The following LYPD6B variants were observed in gnomAD, a reference collection of about 807,000 sequenced individuals.
LYPD6B encodes the protein ly6/PLAUR domain-containing protein 6B.
In LYPD6B, 17 loss-of-function variants were observed where a neutral mutation model predicts 22.8. The ratio of observed to expected loss-of-function variants is 0.75; its 90% CI spans 0.51 to 1.12. The LOEUF (loss-of-function observed/expected upper bound fraction) is 1.12, where lower values mean the gene tolerates loss of function less well. Ranked by LOEUF, LYPD6B falls within the 50% of genes most tolerant of loss-of-function variation. LYPD6B has a pLI of 0.00. For synonymous variants in LYPD6B, 106 were observed against 91.6 expected (o/e 1.16, Z -0.90); for missense variants, 221 against 258.3 (o/e 0.86, Z 0.99).
At chr2:149,187,183 A>AT (rs1692168708) in intron 3 of LYPD6B, among the ~76,000 whole-genome samples, 1 of 152,194 alleles carries the variant, frequency 6.6e-6, no homozygotes, top group South Asian at 2.1e-4. Context: ...CAAACCCACA[A>AT]TATCTCTGAG....
intron 3 of LYPD6B, among the ~76,000 whole-genome samples, chr2:149,184,792 G>T (rs1433844883): frequency 6.6e-6 from 1 of 152,180 alleles, no homozygotes. Flanking sequence ...GATATGCATT[G>T]CTGTCAGGTG....
At chr2:149,163,276 G>T (rs1439213700) in intron 3 of LYPD6B, among the ~76,000 whole-genome samples, 1 of 152,116 alleles carries the variant, frequency 6.6e-6, no homozygotes, top group East Asian at 1.9e-4. Flanking sequence ...GATGCTTTAA[G>T]CAGGGAATTT....
rs539661897 is a variant in LYPD6B, at chr2:149,094,899, AATT to A, written c.-66-35980_-66-35978del. Among the ~76,000 whole-genome samples, 36 of 152,138 alleles carry A rather than the reference AATT, an allele frequency of 2.4e-4. No homozygotes were observed. The East Asian group carries it at 6.4e-3, about 27-fold the overall frequency. ...AACAGTTGCTATCAAAACAATAAGA[AATT>A]ATTGTTGTATCATTATTCTGGCTTG... On this transcript the variant is annotated intron_variant, in intron 1 of 6. Coordinates refer to ENST00000409642, the MANE Select transcript of LYPD6B (RefSeq NM_177964.5).
chr2:149,188,560 G>A (rs1238100268), intron 3 of LYPD6B: 2 of 204,494 alleles, frequency 9.8e-6, no homozygotes, highest in Middle Eastern at 5.1e-3. Flanking sequence ...AGAAAGGAAT[G>A]CAGTTCTGGG....
intron 2 of LYPD6B, among the ~76,000 whole-genome samples, chr2:149,138,283 A>G (rs1688485528): frequency 6.6e-6 from 1 of 152,216 alleles, no homozygotes; most frequent in African/African-American, 2.4e-5. Context: ...GAATCTGACC[A>G]CTTGCTGAGA....
At chr2:149,056,268 A>G (rs1408650033) in intron 1 of LYPD6B, among the ~76,000 whole-genome samples, 1 of 152,174 alleles carries the variant, frequency 6.6e-6, no homozygotes, top group East Asian at 1.9e-4. Context: ...TGTATGCTTC[A>G]GGTACTGTGC....
chr2:149,140,913 C>T (rs1688653500), intron 2 of LYPD6B, among the ~76,000 whole-genome samples: 1 of 152,200 alleles, frequency 6.6e-6, no homozygotes, highest in South Asian at 2.1e-4. Flanking sequence ...AGGGATTTGG[C>T]CAAAACATAA....
intron 5 of LYPD6B, among the ~76,000 whole-genome samples, chr2:149,212,094 G>A (rs1047660259): frequency 6.6e-6 from 1 of 151,956 alleles, no homozygotes; most frequent in African/African-American, 2.4e-5. Context: ...TTAGGTTGGT[G>A]CAGCCGGGCG....
intron 1 of LYPD6B, among the ~76,000 whole-genome samples, chr2:149,080,573 G>A (rs1341456521): frequency 6.6e-6 from 1 of 152,056 alleles, no homozygotes; most frequent in Non-Finnish European, 1.5e-5. Context: ...TGGGGGTGGT[G>A]GCTCACGCCT....
intron 1 of LYPD6B, among the ~76,000 whole-genome samples, chr2:149,050,366 T>A (rs1329641892): frequency 6.6e-6 from 1 of 152,240 alleles, no homozygotes; most frequent in Non-Finnish European, 1.5e-5. Context: ...GAGACAGTCT[T>A]CTGAGCATTC....
chr2:149,045,477 A>AT (rs1412217019), intron 1 of LYPD6B, among the ~76,000 whole-genome samples: 1 of 151,866 alleles, frequency 6.6e-6, no homozygotes, highest in Admixed American at 6.6e-5. Flanking sequence ...GTACTCTTCT[A>AT]TTTTTTAAGG....
At chr2:149,214,076 A>T (rs1012973808) in intron 6 of LYPD6B, among the ~76,000 whole-genome samples, 15 of 152,232 alleles carry the variant, frequency 9.9e-5, no homozygotes, top group Non-Finnish European at 2.2e-4. Context: ...AACCATAATT[A>T]GTAAACCATT....
chr2:149,168,021 C>A (rs1055057429), intron 3 of LYPD6B, among the ~76,000 whole-genome samples: 17 of 151,820 alleles, frequency 1.1e-4, no homozygotes, highest in African/African-American at 4.1e-4. Flanking sequence ...ACCAGCATGG[C>A]AAACATGTCA....
intron 3 of LYPD6B, among the ~76,000 whole-genome samples, chr2:149,186,683 C>T (rs1160231829): frequency 6.6e-6 from 1 of 152,212 alleles, no homozygotes; most frequent in Non-Finnish European, 1.5e-5. Context: ...TGGCTCACAG[C>T]AGCCTCAACT....
chr2:149,203,567 A>G (rs954262114), intron 3 of LYPD6B, among the ~76,000 whole-genome samples: 1 of 152,262 alleles, frequency 6.6e-6, no homozygotes, highest in African/African-American at 2.4e-5. Flanking sequence ...TAGAAATCCA[A>G]TAACTGAAAG....
intron 1 of LYPD6B, among the ~76,000 whole-genome samples, chr2:149,083,776 G>A (rs947180609): frequency 4.6e-5 from 7 of 152,058 alleles, no homozygotes; most frequent in East Asian, 1.9e-4. Context: ...GGATCTTTCC[G>A]CTGTAGAAGT....
chr2:149,175,202 G>A (rs1359368823), intron 3 of LYPD6B, among the ~76,000 whole-genome samples: 1 of 151,864 alleles, frequency 6.6e-6, no homozygotes, highest in Non-Finnish European at 1.5e-5. Flanking sequence ...TACAACCTAC[G>A]ATACTCCCAT....
At chr2:149,062,498 C>T (rs1199323148) in intron 1 of LYPD6B, among the ~76,000 whole-genome samples, 1 of 152,104 alleles carries the variant, frequency 6.6e-6, no homozygotes, top group African/African-American at 2.4e-5. Flanking sequence ...AGAGGAACCT[C>T]TCTCAGGCAT....
chr2:149,185,690 G>C (rs1032621987), intron 3 of LYPD6B, among the ~76,000 whole-genome samples: 1 of 152,160 alleles, frequency 6.6e-6, no homozygotes, highest in Non-Finnish European at 1.5e-5. Flanking sequence ...CACAAAGATT[G>C]CATTTTCTGC....
Sources: allele counts gnomAD v4.1 joint callset (sites outside exome capture counted in the v4.1 genomes callset), GRCh38; gene constraint gnomAD v4.1.1; transcripts MANE v1.5; gene names NCBI Gene and HGNC (gene_info 2026-07-23, HGNC 2026-07-21).